The following RAP1GDS1 variants were observed in gnomAD, a reference collection of about 807,000 sequenced individuals.
RAP1GDS1 encodes the protein Rap1 GTPase-GDP dissociation stimulator 1.
A neutral mutation model predicts 71.1 loss-of-function variants in RAP1GDS1; 35 were observed. The observed-to-expected ratio is 0.49, with a 90% CI of 0.38 to 0.65. The LOEUF (loss-of-function observed/expected upper bound fraction) is 0.65. RAP1GDS1 is among the 30% of genes least tolerant of loss of function. The probability of loss-of-function intolerance (pLI) is 0.00; values close to 1 mark genes in which losing one functional copy is unlikely to be tolerated. For missense variants in RAP1GDS1, 663 were observed against 706.1 expected (o/e 0.94, Z 0.69); for synonymous variants, 229 against 243.1 (o/e 0.94, Z 0.54).
At chr4:98,397,332 A>G (rs922031488) in intron 6 of RAP1GDS1, among the ~76,000 whole-genome samples, 4 of 152,154 alleles carry the variant, frequency 2.6e-5, no homozygotes, top group Admixed American at 1.3e-4. Flanking sequence ...TTAGTTGGAA[A>G]CTAACTAAAA....
intron 12 of RAP1GDS1, among the ~76,000 whole-genome samples, chr4:98,431,933 A>AT (rs893486468): frequency 1.5e-4 from 22 of 149,518 alleles, no homozygotes; most frequent in Admixed American, 4.7e-4. Flanking sequence ...GAGGGCAGGA[A>AT]TTTTTTTTTT....
chr4:98,380,245 G>A (rs1225814992), intron 5 of RAP1GDS1, among the ~76,000 whole-genome samples: 1 of 151,762 alleles, frequency 6.6e-6, no homozygotes, highest in Non-Finnish European at 1.5e-5. Context: ...GTTTCTGTAT[G>A]ACGGTTTGGC....
At chr4:98,384,860 T>C (rs1305498940) in intron 5 of RAP1GDS1, among the ~76,000 whole-genome samples, 1 of 151,752 alleles carries the variant, frequency 6.6e-6, no homozygotes, top group Admixed American at 6.6e-5. Context: ...AATAATACTT[T>C]CTCAGCATTG....
chr4:98,400,559 G>C (rs1010483794), intron 6 of RAP1GDS1, among the ~76,000 whole-genome samples: 10 of 150,614 alleles, frequency 6.6e-5, no homozygotes, highest in Admixed American at 5.3e-4. Flanking sequence ...GGATACTAGA[G>C]GTTGGGAAAG....
intron 7 of RAP1GDS1, among the ~76,000 whole-genome samples, chr4:98,414,946 G>A (rs1747706606): frequency 6.6e-6 from 1 of 151,698 alleles, no homozygotes; most frequent in South Asian, 2.1e-4. Flanking sequence ...CTTGTAAGTT[G>A]GATTCCTAGG....
Position 98,278,455 on chromosome 4 carries a change from G to A in RAP1GDS1, c.5-14953G>A, listed in dbSNP as rs1009178441. Reference sequence around the variant, plus strand: ...TTGAAAATTAATATTTTAAAATTAAGAAGTTAATTGTGAAAATTTAATCAT... The same window carrying A: ...TTGAAAATTAATATTTTAAAATTAAAAAGTTAATTGTGAAAATTTAATCAT... On this transcript the variant is annotated intron_variant, in intron 1 of 14. Coordinates refer to ENST00000408927, the MANE Select transcript of RAP1GDS1 (RefSeq NM_001100427.2). Among the ~76,000 whole-genome samples the A allele has an allele frequency of 2.0e-5, 3 of 151,978 alleles. No individual in the cohort carries two copies. In the East Asian group the frequency reaches 5.8e-4, roughly 29 times the overall value.
chr4:98,358,280 A>G (rs977147191), intron 4 of RAP1GDS1, among the ~76,000 whole-genome samples: 1 of 151,996 alleles, frequency 6.6e-6, no homozygotes, highest in Non-Finnish European at 1.5e-5. Flanking sequence ...GTACCTAGTG[A>G]CGGTTCTACA....
intron 2 of RAP1GDS1, among the ~76,000 whole-genome samples, chr4:98,342,489 T>A (rs1333410056): frequency 7.7e-6 from 1 of 129,614 alleles, no homozygotes; most frequent in Non-Finnish European, 1.5e-5. Flanking sequence ...ATAGGCCCAT[T>A]ATTTGTATTT....
intron 2 of RAP1GDS1, among the ~76,000 whole-genome samples, chr4:98,328,375 A>G (rs1733456522): frequency 6.6e-6 from 1 of 152,198 alleles, no homozygotes; most frequent in Non-Finnish European, 1.5e-5. Flanking sequence ...TTGTTCCAAC[A>G]CCTTGGGAAA....
At chr4:98,393,278 G>C (rs1744005979) in intron 6 of RAP1GDS1, among the ~76,000 whole-genome samples, 1 of 152,118 alleles carries the variant, frequency 6.6e-6, no homozygotes, top group African/African-American at 2.4e-5. Context: ...AATTATTAAA[G>C]TTATTTTTAG....
chr4:98,293,944 C>A (rs1430012050), intron 2 of RAP1GDS1, among the ~76,000 whole-genome samples: 1 of 151,984 alleles, frequency 6.6e-6, no homozygotes, highest in East Asian at 1.9e-4. Flanking sequence ...GGAATCTTAT[C>A]ATATTTTAAA....
At chr4:98,390,904 T>A (rs1235416684) in intron 5 of RAP1GDS1, among the ~76,000 whole-genome samples, 25 of 152,032 alleles carry the variant, frequency 1.6e-4, no homozygotes, top group Non-Finnish European at 2.9e-5. Flanking sequence ...GAGAAAAAAA[T>A]TTGTTTAGTC....
intron 13 of RAP1GDS1, among the ~76,000 whole-genome samples, chr4:98,434,316 A>T (rs1434413606): frequency 1.3e-5 from 2 of 152,184 alleles, no homozygotes; most frequent in East Asian, 1.9e-4. Context: ...AGTTACAGCC[A>T]CTTAGAGAAT....
At chr4:98,374,861 T>G (rs1456150420) in intron 4 of RAP1GDS1, among the ~76,000 whole-genome samples, 1 of 152,144 alleles carries the variant, frequency 6.6e-6, no homozygotes. Context: ...GTGCTCTTGC[T>G]CCTCTCCCAG....
intron 3 of RAP1GDS1, among the ~76,000 whole-genome samples, chr4:98,345,329 C>T (rs1213065951): frequency 6.6e-6 from 1 of 152,182 alleles, no homozygotes; most frequent in African/African-American, 2.4e-5. Flanking sequence ...GCATATACTT[C>T]TTCCATTCAA....
chr4:98,368,803 C>G (rs1052857862), intron 4 of RAP1GDS1, among the ~76,000 whole-genome samples: 2 of 152,088 alleles, frequency 1.3e-5, no homozygotes, highest in Admixed American at 1.3e-4. Flanking sequence ...CCTATATTTA[C>G]CTATATAAAT....
intron 1 of RAP1GDS1, among the ~76,000 whole-genome samples, chr4:98,262,457 A>G (rs1722155221): frequency 6.6e-6 from 1 of 152,240 alleles, no homozygotes; most frequent in Non-Finnish European, 1.5e-5. Context: ...CGATATATAC[A>G]TTTGACCTAA....
chr4:98,288,534 T>C (rs376728973), intron 1 of RAP1GDS1, among the ~76,000 whole-genome samples: 3 of 152,202 alleles, frequency 2.0e-5, no homozygotes, highest in Non-Finnish European at 4.4e-5. Context: ...TATAATCCTT[T>C]GGGTATATAC....
Position 98,443,241 on chromosome 4 carries a change from T to C in RAP1GDS1, c.*1124T>C, listed in dbSNP as rs2110238055. The C allele has an allele frequency of 4.3e-6, 1 of 232,344 alleles. No individual in the cohort carries two copies. Among genetic ancestry groups the C allele is most frequent in the East Asian group, 6.1e-5 (1 of 16,490 alleles). The allele number at this position is 232,344 out of a possible 1,614,324, so 14.4% of individuals were successfully genotyped here. A position where few individuals can be genotyped will look rare whatever the true frequency, so the allele number is the denominator to read the frequency against. On this transcript the variant is annotated 3_prime_UTR_variant, in exon 15 of 15. Coordinates refer to ENST00000408927, the MANE Select transcript of RAP1GDS1 (RefSeq NM_001100427.2). ...GGCCCCATACCAATCGCTGTTAGAG[T>C]TTGCCACCTCCACTTTCCCACTGAG...
Sources: allele counts gnomAD v4.1 joint callset (sites outside exome capture counted in the v4.1 genomes callset), GRCh38; gene constraint gnomAD v4.1.1; transcripts MANE v1.5; gene names NCBI Gene and HGNC (gene_info 2026-07-23, HGNC 2026-07-21).